STAU2: variants seen among roughly 807,000 people sequenced by gnomAD.
The protein encoded by STAU2 is staufen double-stranded RNA binding protein 2.
A neutral mutation model predicts 65.9 loss-of-function variants in STAU2; 20 were observed. The ratio of observed to expected loss-of-function variants is 0.30; its 90% confidence interval spans 0.21 to 0.44. The LOEUF (loss-of-function observed/expected upper bound fraction) is 0.44. Ranked by LOEUF, STAU2 falls within the 20% of genes least tolerant of loss-of-function variation. The pLI is 1.00. For missense variants in STAU2, 558 were observed against 683.9 expected (o/e 0.82, Z 2.05); for synonymous variants, 232 against 233.9 (o/e 0.99, Z 0.07).
intron 13 of STAU2, among the ~76,000 whole-genome samples, chr8:73,466,525 T>A (rs901604975): frequency 5.3e-5 from 8 of 152,062 alleles, no homozygotes; most frequent in Non-Finnish European, 1.0e-4. Flanking sequence ...GGTTGGCGAA[T>A]GGAAGAATGT....
At chr8:73,547,054 G>A (rs377180559) in intron 13 of STAU2, among the ~76,000 whole-genome samples, 50 of 152,262 alleles carry the variant, frequency 3.3e-4, no homozygotes, top group African/African-American at 1.1e-3. Flanking sequence ...GAAAGGACAC[G>A]AAATGATAAT....
intron 6 of STAU2, among the ~76,000 whole-genome samples, chr8:73,625,271 T>C (rs979111361): frequency 5.3e-5 from 8 of 152,226 alleles, no homozygotes; most frequent in African/African-American, 1.9e-4. Context: ...GGTAAATGTT[T>C]ACAGCAGCAT....
chr8:73,710,483 T>G (rs886530255), intron 3 of STAU2, among the ~76,000 whole-genome samples: 13 of 151,924 alleles, frequency 8.6e-5, no homozygotes, highest in African/African-American at 3.1e-4. Flanking sequence ...CTCAATGATT[T>G]TACTTAAACT....
intron 8 of STAU2, 26 bp downstream of exon 8, chr8:73,615,649 T>C: frequency 1.3e-6 from 2 of 1,560,968 alleles, no homozygotes; most frequent in Non-Finnish European, 1.8e-6. Context: ...AGGGAAAAAA[T>C]GGGAAGATCT....
At chr8:73,697,207 C>T (rs1819744066) in intron 4 of STAU2, 1 of 152,116 alleles carries the variant, frequency 6.6e-6, no homozygotes, top group Non-Finnish European at 1.5e-5. Flanking sequence ...GCGTGCACCA[C>T]CATACCCAGC....
At chr8:73,582,748 C>A (rs754163524) in intron 12 of STAU2, 22 bp downstream of exon 12, 1 of 1,611,588 alleles carries the variant, frequency 6.2e-7, no homozygotes, top group East Asian at 2.2e-5. Flanking sequence ...CAAGTGCAGA[C>A]AACATAAAAA....
chr8:73,672,165 T>C (rs1180275788), intron 6 of STAU2: 1 of 151,678 alleles, frequency 6.6e-6, no homozygotes, highest in Non-Finnish European at 1.5e-5. Flanking sequence ...TAACCAGCAA[T>C]AAAAAAGGGC....
At chr8:73,612,881 T>G (rs564652910) in intron 9 of STAU2, among the ~76,000 whole-genome samples, 1 of 152,326 alleles carries the variant, frequency 6.6e-6, no homozygotes, top group South Asian at 2.1e-4. Flanking sequence ...AGGCTTTCTC[T>G]GGAAACACAG....
intron 10 of STAU2, among the ~76,000 whole-genome samples, chr8:73,595,705 C>T (rs766885261): frequency 1.3e-5 from 2 of 152,034 alleles, no homozygotes; most frequent in Non-Finnish European, 2.9e-5. Context: ...ATATTGGTGC[C>T]ATTTAAAATA....
Position 73,582,801 on chromosome 8 carries a change from T to C in STAU2, c.1191A>G (p.Pro397=). The change falls in exon 12 of 15, where the codon CCA becomes CCG. Residue 397 remains proline (P), a synonymous_variant. Coordinates refer to ENST00000524300, the MANE Select transcript of STAU2 (RefSeq NM_001164380.2). ...TTGTTGGTTCAGGAAACCCAGGCTT[T>C]GGACCACTCCATCCTTTGTTTTCCC... is the stretch of plus-strand genomic sequence containing the variant. The part of the protein sequence containing the change: ...KTGENKGWSG[P]KPGFPEPTNN... 3 of 1,612,728 alleles carry C rather than the reference T, an allele frequency of 1.9e-6. No individual in the cohort carries two copies. Among genetic ancestry groups the C allele is most frequent in the East Asian group, 2.2e-5 (1 of 44,862 alleles).
chr8:73,653,278 T>C (rs10090359), intron 6 of STAU2: 42,212 of 152,048 alleles, frequency 0.28, 6,378 homozygotes, highest in East Asian at 0.46. Context: ...ATAAGGTTGA[T>C]AATGAGTCAA....
chr8:73,703,957 T>G (rs1820306573), intron 4 of STAU2, among the ~76,000 whole-genome samples: 1 of 152,182 alleles, frequency 6.6e-6, no homozygotes, highest in African/African-American at 2.4e-5. Flanking sequence ...CTTCAAAAAA[T>G]GTTCTCCCAT....
chr8:73,543,833 A>G (rs1270001811), intron 13 of STAU2, among the ~76,000 whole-genome samples: 1 of 152,198 alleles, frequency 6.6e-6, no homozygotes, highest in Admixed American at 6.5e-5. Context: ...TCCCTGGGCA[A>G]TATTAACTGT....
chr8:73,657,796 C>G (rs1456000718), intron 6 of STAU2, among the ~76,000 whole-genome samples: 1 of 151,932 alleles, frequency 6.6e-6, no homozygotes, highest in Non-Finnish European at 1.5e-5. Context: ...GGCAGATCAC[C>G]TGAGGTCAGG....
At chr8:73,588,789 A>G (rs1810562318) in intron 11 of STAU2, among the ~76,000 whole-genome samples, 1 of 152,226 alleles carries the variant, frequency 6.6e-6, no homozygotes, top group Admixed American at 6.5e-5. Flanking sequence ...ATGCTGGGAA[A>G]TGTACAGGAA....
intron 6 of STAU2, among the ~76,000 whole-genome samples, chr8:73,655,895 G>A (rs949604715): frequency 5.9e-5 from 9 of 151,744 alleles, no homozygotes; most frequent in Non-Finnish European, 1.2e-4. Context: ...TGATTCGCCC[G>A]CCTCGGCCTC....
intron 13 of STAU2, among the ~76,000 whole-genome samples, chr8:73,442,353 CAAAAAA>C (rs10606663): frequency 1.0e-5 from 1 of 100,156 alleles, no homozygotes; most frequent in Non-Finnish European, 2.1e-5. Context: ...GACTCCGTCT[CAAAAAA>C]AAAAAAAAAA....
chr8:73,711,633 C>T (rs1820909578), intron 3 of STAU2, among the ~76,000 whole-genome samples: 1 of 151,954 alleles, frequency 6.6e-6, no homozygotes, highest in African/African-American at 2.4e-5. Flanking sequence ...TATTAAACAG[C>T]GATTTAAATG....
chr8:73,484,597 A>T (rs968527100), intron 13 of STAU2, among the ~76,000 whole-genome samples: 4 of 152,116 alleles, frequency 2.6e-5, no homozygotes, highest in African/African-American at 9.7e-5. Flanking sequence ...AAGGATATTT[A>T]AAAAGTATAA....
Sources: allele counts gnomAD v4.1 joint callset (sites outside exome capture counted in the v4.1 genomes callset), GRCh38; gene constraint gnomAD v4.1.1; transcripts MANE v1.5; gene names NCBI Gene and HGNC (gene_info 2026-07-23, HGNC 2026-07-21).